COL5A2: variants seen among roughly 807,000 people sequenced by gnomAD.
The protein encoded by COL5A2 is collagen type V alpha 2 chain, also known as collagen alpha-2(V) chain.
In COL5A2, 23 loss-of-function variants were observed where a neutral mutation model predicts 208.2. That is an observed-to-expected ratio of 0.11 (90% CI 0.08 to 0.16). The LOEUF is 0.16. Ranked by LOEUF, COL5A2 falls within the 10% of genes least tolerant of loss-of-function variation. The pLI is 1.00. For missense variants in COL5A2, 1,590 were observed against 1,956.4 expected (o/e 0.81, Z 3.53); for synonymous variants, 625 against 628.5 (o/e 0.99, Z 0.08).
chr2:189,293,814 G>A, the COL5A2 span, among the ~76,000 whole-genome samples: 2 of 152,088 alleles, frequency 1.3e-5, no homozygotes, highest in African/African-American at 2.4e-5. Flanking sequence ...GGCCAGGAGC[G>A]GTGGCTCATG....
At chr2:189,431,694 C>A in the COL5A2 span, among the ~76,000 whole-genome samples, 122,137 of 152,108 alleles carry the variant, frequency 0.8, 50,505 homozygotes, top group Non-Finnish European at 0.91. Flanking sequence ...ATATGGGACT[C>A]TGTGAAAAGA....
the COL5A2 span, chr2:189,311,901 T>G: frequency 1.1e-6 from 1 of 904,130 alleles, no homozygotes; most frequent in Admixed American, 1.7e-5. Flanking sequence ...TGGTTCTTCT[T>G]TATAAAGAGC....
chr2:189,272,190 T>A, the COL5A2 span, among the ~76,000 whole-genome samples: 1 of 152,196 alleles, frequency 6.6e-6, no homozygotes, highest in Non-Finnish European at 1.5e-5. Flanking sequence ...TAAATCATTC[T>A]ACGATAAAGA....
At chr2:189,362,321 T>C in the COL5A2 span, among the ~76,000 whole-genome samples, 1 of 152,106 alleles carries the variant, frequency 6.6e-6, no homozygotes, top group African/African-American at 2.4e-5. Context: ...GAATGCAGAG[T>C]ATTGTAGATG....
the COL5A2 span, among the ~76,000 whole-genome samples, chr2:189,268,837 G>A: frequency 4.6e-5 from 7 of 152,208 alleles, no homozygotes; most frequent in South Asian, 6.2e-4. Context: ...TTTTGGTCAA[G>A]AAGACAATTT....
In COL5A2 at chr2:189,100,092, T is replaced by C. The variant is rs1291573124; in HGVS notation, c.369+15A>G. 1 of 1,596,274 alleles carries C rather than the reference T, an allele frequency of 6.3e-7. No homozygotes were observed. Among genetic ancestry groups the C allele is most frequent in the Admixed American group, 1.7e-5 (1 of 59,972 alleles). On this transcript the variant is annotated intron_variant, in intron 4 of 53. Transcript: ENST00000374866. ...ATTTAAGGTACAAGGAAACAATGAT[T>C]ATACATATACTTACAACAGGCACTA... is the stretch of plus-strand genomic sequence containing the variant.
At chr2:189,198,508 G>A (rs184021120) in intron 1 of COL5A2, among the ~76,000 whole-genome samples, 4 of 152,274 alleles carry the variant, frequency 2.6e-5, no homozygotes, top group South Asian at 2.1e-4. Flanking sequence ...CAGTGGTGAA[G>A]AAAAGACAGG....
At chr2:189,229,536 C>G (rs376664199), upstream of COL5A2, among the ~76,000 whole-genome samples, 17 of 151,502 alleles carry the variant, frequency 1.1e-4, no homozygotes, top group East Asian at 3.1e-3. Context: ...TATGCACTAA[C>G]AGTGGACAAT....
the COL5A2 span, among the ~76,000 whole-genome samples, chr2:189,369,873 T>C: frequency 1.3e-5 from 2 of 152,204 alleles, no homozygotes; most frequent in South Asian, 4.1e-4. Flanking sequence ...TGAACTTCAG[T>C]ATGCACTCAA....
At chr2:189,387,307 C>T in the COL5A2 span, among the ~76,000 whole-genome samples, 1 of 151,892 alleles carries the variant, frequency 6.6e-6, no homozygotes. Context: ...GACAGTGGAG[C>T]CTACTAGTGA....
At chr2:189,338,011 T>A in the COL5A2 span, among the ~76,000 whole-genome samples, 1 of 152,368 alleles carries the variant, frequency 6.6e-6, no homozygotes, top group East Asian at 1.9e-4. Context: ...AAAGATGATA[T>A]GTTTGGTTGT....
intron 23 of COL5A2, among the ~76,000 whole-genome samples, chr2:189,065,774 C>T (rs956303174): frequency 6.6e-6 from 1 of 152,204 alleles, no homozygotes; most frequent in Non-Finnish European, 1.5e-5. Context: ...CCAGTCACAG[C>T]TACCTCTTCT....
At chr2:189,298,895 T>C in the COL5A2 span, among the ~76,000 whole-genome samples, 1 of 152,206 alleles carries the variant, frequency 6.6e-6, no homozygotes, top group Non-Finnish European at 1.5e-5. Flanking sequence ...GAAGGGTTAG[T>C]TCCATCACTT....
intron 2 of COL5A2, among the ~76,000 whole-genome samples, chr2:189,109,639 A>G (rs947895023): frequency 4.6e-5 from 7 of 152,220 alleles, no homozygotes; most frequent in African/African-American, 7.2e-5. Flanking sequence ...GAAATACATA[A>G]TATCTGTTAA....
At chr2:189,432,135 A>C in the COL5A2 span, among the ~76,000 whole-genome samples, 1 of 152,188 alleles carries the variant, frequency 6.6e-6, no homozygotes, top group Non-Finnish European at 1.5e-5. Flanking sequence ...TCCTTTACCG[A>C]CAAGCAAATG....
chr2:189,408,946 T>C, the COL5A2 span, among the ~76,000 whole-genome samples: 4 of 152,220 alleles, frequency 2.6e-5, no homozygotes, highest in African/African-American at 7.2e-5. Flanking sequence ...CACAGTCTGA[T>C]TACAAGTATA....
At chr2:189,056,545 A>C (rs1012899464) in intron 35 of COL5A2, among the ~76,000 whole-genome samples, 1 of 152,128 alleles carries the variant, frequency 6.6e-6, no homozygotes, top group Non-Finnish European at 1.5e-5. Flanking sequence ...TTCACTGTGC[A>C]GTAAATTTCT....
the COL5A2 span, among the ~76,000 whole-genome samples, chr2:189,275,632 T>C: frequency 6.6e-6 from 1 of 152,216 alleles, no homozygotes; most frequent in East Asian, 1.9e-4. Context: ...TTTGTATTTT[T>C]AGTAGAGACG....
At chr2:189,172,368 TG>T (rs1352995738) in intron 1 of COL5A2, among the ~76,000 whole-genome samples, 1 of 152,214 alleles carries the variant, frequency 6.6e-6, no homozygotes, top group Non-Finnish European at 1.5e-5. Flanking sequence ...AAAGATTTGG[TG>T]AAAGCAATTT....
Sources: gnomAD v4.1 joint callset for allele counts (sites outside exome capture counted in the v4.1 genomes callset) on GRCh38, gnomAD v4.1.1 for gene constraint, MANE v1.5 for transcripts, NCBI Gene and HGNC (gene_info 2026-07-23, HGNC 2026-07-21) for gene names.